Variants in SLC18A1 observed in about 807,000 individuals in gnomAD.
SLC18A1 encodes chromaffin granule amine transporter.
SLC18A1 carries 69 observed loss-of-function variants against 53.7 expected under a neutral mutation model. The observed-to-expected ratio is 1.28, with a 90% CI of 1.06 to 1.57. The LOEUF (loss-of-function observed/expected upper bound fraction) is 1.57. SLC18A1 is among the 40% of genes most tolerant of loss of function. SLC18A1 has a pLI of 0.00. For synonymous variants in SLC18A1, 320 were observed against 248.1 expected (o/e 1.29, Z -2.72); for missense variants, 932 against 668.1 (o/e 1.40, Z -4.35).
At chr8:20,151,227 C>T (rs2071547100) in intron 10 of SLC18A1, among the ~76,000 whole-genome samples, 1 of 150,090 alleles carries the variant, frequency 6.7e-6, no homozygotes, top group African/African-American at 2.5e-5. Flanking sequence ...GTCATGAAAT[C>T]CTGCCTGCCT....
intron 8 of SLC18A1, among the ~76,000 whole-genome samples, chr8:20,170,141 CAGA>C (rs2128876941): frequency 6.6e-6 from 1 of 152,244 alleles, no homozygotes; most frequent in South Asian, 2.1e-4. Flanking sequence ...CTCCAGGACC[CAGA>C]CATCCTACTC....
At chr8:20,146,020 G>A (rs943382375) in intron 15 of SLC18A1, 144 bp from the exon 16 acceptor site, 26 of 441,262 alleles carry the variant, frequency 5.9e-5, no homozygotes, top group Non-Finnish European at 9.3e-5. Flanking sequence ...GGTTCATGCC[G>A]TTCTCCTGCC....
chr8:20,147,282 G>A lies in SLC18A1; in HGVS notation c.1440C>T (p.Ser480=), dbSNP rs751861404. 1.2e-6 allele frequency: 2 copies of A among 1,607,978 alleles called. No individual in the cohort carries two copies. Among genetic ancestry groups the A allele is most frequent in the East Asian group, 4.5e-5 (2 of 44,860 alleles). ...VYAPLCYYLR[S]PPAKEEKLAI... is the part of the protein sequence containing the mutation. ...CAAGCTTCTCTTCCTTTGCCGGGGG[G>A]CTCCGCAGGTAGTAGCAGAGTGGAG... Residue 480 remains serine, a synonymous_variant, in exon 15 of 16, where the codon AGC becomes AGT. Transcript: ENST00000276373.
chr8:20,178,101 A>G (rs554535400), intron 4 of SLC18A1, among the ~76,000 whole-genome samples: 1 of 146,842 alleles, frequency 6.8e-6, no homozygotes, highest in Non-Finnish European at 1.5e-5. Flanking sequence ...AAACTTGCTC[A>G]AGGGATTACT....
At chr8:20,167,795 G>A (rs908377234) in intron 8 of SLC18A1, among the ~76,000 whole-genome samples, 6 of 151,136 alleles carry the variant, frequency 4.0e-5, no homozygotes, top group African/African-American at 1.5e-4. Context: ...TCATTTTTTT[G>A]TATTTTTAGT....
chr8:20,167,142 A>AC (rs1209468555), intron 8 of SLC18A1, among the ~76,000 whole-genome samples: 1 of 152,106 alleles, frequency 6.6e-6, no homozygotes, highest in Non-Finnish European at 1.5e-5. Context: ...CCAAAAAAAA[A>AC]AAACCCCACA....
intron 5 of SLC18A1, among the ~76,000 whole-genome samples, chr8:20,173,730 G>C (rs1055948032): frequency 6.6e-6 from 1 of 152,122 alleles, no homozygotes; most frequent in Non-Finnish European, 1.5e-5. Flanking sequence ...CTAAGAGGGG[G>C]ACAGAAAAAG....
chr8:20,155,497 T>G (rs188093811), intron 10 of SLC18A1, among the ~76,000 whole-genome samples: 3 of 152,286 alleles, frequency 2.0e-5, no homozygotes, highest in Non-Finnish European at 2.9e-5. Context: ...GAAGGCCGAC[T>G]AGAGGCAGAA....
At chr8:20,180,759 A>C in intron 2 of SLC18A1, 82 bp downstream of exon 2, 3 of 1,532,550 alleles carry the variant, frequency 2.0e-6, no homozygotes, top group Non-Finnish European at 1.8e-6. Flanking sequence ...AGATGGATTC[A>C]CTGTTGAACT....
intron 10 of SLC18A1, among the ~76,000 whole-genome samples, chr8:20,164,115 A>G (rs1358870673): frequency 1.3e-5 from 2 of 152,080 alleles, no homozygotes; most frequent in Non-Finnish European, 2.9e-5. Flanking sequence ...ATGCTGAACT[A>G]TATCATGTTC....
chr8:20,170,881 G>C (rs1197384784), intron 8 of SLC18A1, among the ~76,000 whole-genome samples: 1 of 152,020 alleles, frequency 6.6e-6, no homozygotes, highest in Non-Finnish European at 1.5e-5. Flanking sequence ...CTTTGATTAT[G>C]CACAAGGTTC....
chr8:20,178,613 C>A, intron 3 of SLC18A1, 120 bp from the exon 4 acceptor site: 1 of 714,288 alleles, frequency 1.4e-6, no homozygotes, highest in East Asian at 2.7e-5. Flanking sequence ...GTAAAACATG[C>A]CTCTGAATGT....
intron 8 of SLC18A1, among the ~76,000 whole-genome samples, chr8:20,168,442 A>G (rs113446736): frequency 0.023 from 3,473 of 152,270 alleles, 174 homozygotes; most frequent in African/African-American, 0.08. Context: ...TGATAATATC[A>G]GATAAATAAA....
intron 4 of SLC18A1, chr8:20,175,858 G>T (rs1438185100): frequency 6.6e-6 from 1 of 152,126 alleles, no homozygotes; most frequent in African/African-American, 2.4e-5. Context: ...GCACATTCTT[G>T]GTCTCTTCTT....
rs1401677195 is a variant in SLC18A1, at chr8:20,181,886, G to A, written c.-123-799C>T. Reference sequence around the variant, plus strand: ...ATCCTCTACCATGTTCCCTTGCTCTGTGGTTCTAGAAGCACGCTCATTCTT... The same window carrying A: ...ATCCTCTACCATGTTCCCTTGCTCTATGGTTCTAGAAGCACGCTCATTCTT... On this transcript the variant is annotated intron_variant, in intron 1 of 15. Transcript: ENST00000276373. The A allele has an allele frequency of 2.0e-5, 3 of 152,258 alleles. No individual in the cohort carries two copies. The East Asian group carries it at 5.8e-4, about 29-fold the overall frequency. 9.4% of individuals were successfully genotyped at this position (152,258 alleles called of 1,614,324 possible).
intron 11 of SLC18A1, among the ~76,000 whole-genome samples, chr8:20,150,001 C>G (rs1475901781): frequency 6.6e-6 from 1 of 152,172 alleles, no homozygotes; most frequent in African/African-American, 2.4e-5. Context: ...TCAGCTGACT[C>G]AGGAGGCACT....
At position 20,162,656 on chromosome 8, in the gene SLC18A1, G is replaced by T. The variant is rs142379330; in HGVS notation, c.1015+2213C>A. On this transcript the variant is annotated intron_variant, in intron 10 of 15. Transcript: ENST00000276373. ...AAGTTTTTTGTAACTGTATAACAAG[G>T]ATGGCCTTTACTCTAGTGTCCAATA... 6.5e-3 allele frequency among the ~76,000 whole-genome samples: 995 copies of T among 152,288 alleles called. 9 individuals are homozygous for T. The highest frequency in any genetic ancestry group is 0.023 in the African/African-American group (943 of 41,554).
At chr8:20,174,784 G>T (rs983366437) in intron 4 of SLC18A1, among the ~76,000 whole-genome samples, 1 of 152,132 alleles carries the variant, frequency 6.6e-6, no homozygotes. Flanking sequence ...GCTGGAAACT[G>T]GTTCTTAGAT....
chr8:20,146,031 T>C (rs1040656907), intron 15 of SLC18A1, among the ~76,000 whole-genome samples, 155 bp from the exon 16 acceptor site: 1 of 152,032 alleles, frequency 6.6e-6, no homozygotes, highest in African/African-American at 2.4e-5. Context: ...TTCTCCTGCC[T>C]CAGCCTCCAG....
Sources: gnomAD v4.1 joint callset for allele counts (sites outside exome capture counted in the v4.1 genomes callset) on GRCh38, gnomAD v4.1.1 for gene constraint, MANE v1.5 for transcripts, NCBI Gene and HGNC (gene_info 2026-07-23, HGNC 2026-07-21) for gene names.